Variants in PPP6R3 observed in about 807,000 individuals in gnomAD.
PPP6R3 encodes the protein serine/threonine-protein phosphatase 6 regulatory subunit 3.
A neutral mutation model predicts 110.7 loss-of-function variants in PPP6R3; 38 were observed. The ratio of observed to expected loss-of-function variants is 0.34; its 90% CI spans 0.26 to 0.45. PPP6R3 has a LOEUF of 0.45. PPP6R3 is among the 20% of genes least tolerant of loss of function. PPP6R3 has a pLI of 1.00. For synonymous variants in PPP6R3, 369 were observed against 373.5 expected (o/e 0.99, Z 0.14); for missense variants, 870 against 1,062.4 (o/e 0.82, Z 2.52).
At chr11:68,551,060 A>ATT in intron 5 of PPP6R3, 61 bp from the exon 6 acceptor site, 1 of 1,150,430 alleles carries the variant, frequency 8.7e-7, no homozygotes, top group South Asian at 1.3e-5. Context: ...ATGTTAATCT[A>ATT]CATTGGGGCT....
chr11:68,513,239 C>G (rs888022474), intron 1 of PPP6R3, among the ~76,000 whole-genome samples: 1 of 152,064 alleles, frequency 6.6e-6, no homozygotes, highest in African/African-American at 2.4e-5. Flanking sequence ...CCGCATAAAT[C>G]CCCTCTCATG....
intron 19 of PPP6R3, among the ~76,000 whole-genome samples, chr11:68,597,587 G>A (rs1431199009): frequency 6.6e-6 from 1 of 152,158 alleles, no homozygotes; most frequent in East Asian, 1.9e-4. Flanking sequence ...ATGGGCTCCA[G>A]GCAGCAGGGA....
At chr11:68,489,926 T>G (rs889903256) in intron 1 of PPP6R3, among the ~76,000 whole-genome samples, 1 of 152,204 alleles carries the variant, frequency 6.6e-6, no homozygotes, top group Non-Finnish European at 1.5e-5. Flanking sequence ...TGCCATTCAT[T>G]TTACTTATAA....
intron 1 of PPP6R3, among the ~76,000 whole-genome samples, chr11:68,497,237 G>A (rs1350716466): frequency 7.5e-6 from 1 of 132,524 alleles, no homozygotes; most frequent in Non-Finnish European, 1.6e-5. Context: ...TGTATTTTTA[G>A]TAGAGATGGG....
chr11:68,568,138 G>T (rs1005336655), intron 10 of PPP6R3, among the ~76,000 whole-genome samples: 3 of 151,964 alleles, frequency 2.0e-5, no homozygotes, highest in Admixed American at 1.3e-4. Flanking sequence ...TCAGTATAGA[G>T]CACAGAAAAC....
chr11:68,539,355 T>C (rs2099295367), intron 3 of PPP6R3, among the ~76,000 whole-genome samples: 1 of 152,194 alleles, frequency 6.6e-6, no homozygotes, highest in Non-Finnish European at 1.5e-5. Context: ...ATGCCTTCTA[T>C]GAAGGGCTTA....
intron 7 of PPP6R3, among the ~76,000 whole-genome samples, chr11:68,557,637 G>A (rs548241747): frequency 6.6e-6 from 1 of 152,230 alleles, no homozygotes; most frequent in East Asian, 1.9e-4. Context: ...TCCTGCCTCA[G>A]CCTTCTGATT....
chr11:68,505,501 GAGAT>G (rs1178336321), intron 1 of PPP6R3, among the ~76,000 whole-genome samples: 2 of 151,486 alleles, frequency 1.3e-5, no homozygotes, highest in Non-Finnish European at 2.9e-5. Context: ...TTTATTTAGA[GAGAT>G]AGGGTCTTGG....
In PPP6R3 at chr11:68,540,319, A is replaced by G. The variant is rs2099306674; in HGVS notation, c.227+2428A>G. On this transcript the variant is annotated intron_variant, in intron 3 of 23. Coordinates refer to ENST00000393800, the MANE Select transcript of PPP6R3 (RefSeq NM_001164161.2). ...GCTGGGCGTCCGGGGGAGACATCAC[A>G]TGTCAGTAGGTTCCGTGATGCCCCA... is the stretch of plus-strand genomic sequence containing the variant. 2.0e-5 allele frequency among the ~76,000 whole-genome samples: 3 copies of G among 152,164 alleles called. No homozygotes were observed. In the South Asian group the frequency reaches 6.2e-4, roughly 31 times the overall value.
chr11:68,475,737 C>G (rs2098826005), intron 1 of PPP6R3, among the ~76,000 whole-genome samples: 1 of 152,052 alleles, frequency 6.6e-6, no homozygotes, highest in Admixed American at 6.5e-5. Flanking sequence ...CTCCTCACTT[C>G]TCAGACGGGG....
intron 3 of PPP6R3, among the ~76,000 whole-genome samples, chr11:68,541,669 G>A (rs1045777174): frequency 2.0e-4 from 30 of 152,116 alleles, no homozygotes; most frequent in East Asian, 3.9e-4. Context: ...GAATGAGATC[G>A]CCTGCAGAGC....
intron 14 of PPP6R3, among the ~76,000 whole-genome samples, chr11:68,576,453 A>G (rs2099531827): frequency 6.6e-6 from 1 of 152,232 alleles, no homozygotes; most frequent in South Asian, 2.1e-4. Flanking sequence ...TGAGTTGAGT[A>G]TACCCTCGTT....
At chr11:68,530,832 A>G (rs2099234724) in intron 2 of PPP6R3, among the ~76,000 whole-genome samples, 7 of 152,242 alleles carry the variant, frequency 4.6e-5, no homozygotes, top group Admixed American at 4.6e-4. Context: ...TTGTACTTAG[A>G]TATAAAGTTG....
At chr11:68,533,509 T>G (rs1352165973) in intron 2 of PPP6R3, among the ~76,000 whole-genome samples, 1 of 151,790 alleles carries the variant, frequency 6.6e-6, no homozygotes, top group African/African-American at 2.4e-5. Flanking sequence ...TTTGAGACCA[T>G]CCTGAGCAAC....
At chr11:68,467,507 T>C (rs1460239088) in intron 1 of PPP6R3, among the ~76,000 whole-genome samples, 1 of 152,220 alleles carries the variant, frequency 6.6e-6, no homozygotes, top group Admixed American at 6.5e-5. Context: ...GGGTTTCCTA[T>C]ACCTACATGT....
chr11:68,589,648 T>G (rs2153851206), intron 16 of PPP6R3, among the ~76,000 whole-genome samples: 1 of 152,354 alleles, frequency 6.6e-6, no homozygotes. Flanking sequence ...GACACGGTTA[T>G]GCCACAGACA....
chr11:68,601,833 C>T (rs956489691), intron 20 of PPP6R3, 30 bp from the exon 21 acceptor site: 2 of 1,561,842 alleles, frequency 1.3e-6, no homozygotes, highest in African/African-American at 1.4e-5. Context: ...TTCCCTGCTG[C>T]TAATATCTGA....
At chr11:68,510,943 T>C (rs1401262556) in intron 1 of PPP6R3, among the ~76,000 whole-genome samples, 1 of 152,206 alleles carries the variant, frequency 6.6e-6, no homozygotes, top group Non-Finnish European at 1.5e-5. Flanking sequence ...TCTTCTCTCC[T>C]TTACTGCACC....
chr11:68,556,437 ACT>A (rs2099399722), intron 7 of PPP6R3, among the ~76,000 whole-genome samples: 1 of 151,366 alleles, frequency 6.6e-6, no homozygotes, highest in Non-Finnish European at 1.5e-5. Context: ...GTTAGAATAG[ACT>A]CTGTATCTGA....
Sources: gnomAD v4.1 joint callset for allele counts (sites outside exome capture counted in the v4.1 genomes callset) on GRCh38, gnomAD v4.1.1 for gene constraint, MANE v1.5 for transcripts, NCBI Gene and HGNC (gene_info 2026-07-23, HGNC 2026-07-21) for gene names.